TRIM5: variants seen among roughly 807,000 people sequenced by gnomAD.
The protein encoded by TRIM5 is tripartite motif containing 5, also known as tripartite motif-containing protein 5.
In TRIM5, 31 loss-of-function variants were observed where a neutral mutation model predicts 35.6. That is an observed-to-expected ratio of 0.87 (90% CI 0.65 to 1.18). TRIM5 has a LOEUF of 1.18. TRIM5 is among the 50% of genes most tolerant of loss of function. The pLI, the probability that TRIM5 is intolerant of heterozygous loss-of-function variation, is 0.00. For synonymous variants in TRIM5, 243 were observed against 215.6 expected (o/e 1.13, Z -1.11); for missense variants, 609 against 591.6 (o/e 1.03, Z -0.31).
the TRIM5 span, among the ~76,000 whole-genome samples, chr11:5,591,704 T>C: frequency 6.6e-6 from 1 of 152,062 alleles, no homozygotes; most frequent in Non-Finnish European, 1.5e-5. Flanking sequence ...AATGAGGTGA[T>C]GCTGGGAGAC....
the TRIM5 span, chr11:5,634,492 TACACACAC>T: frequency 3.2e-3 from 738 of 227,974 alleles, 6 homozygotes; most frequent in African/African-American, 0.012. Flanking sequence ...ATAATATAAA[TACACACAC>T]ACACACACAC....
In TRIM5 at chr11:5,679,930, A is replaced by G. The variant is rs147518309; in HGVS notation, c.248T>C (p.Val83Ala). Residue 83 changes from valine to alanine, a missense_variant, in exon 2 of 8, where the codon GTC (valine) becomes GCC (alanine). By Grantham distance (64) the Val-to-Ala change is moderately conservative (BLOSUM62 0). Transcript: ENST00000380034. ...VANIVEKLRE[V>A]KLSPEGQKVD... ...TTTCTGCCCCTCTGGGCTCAACTTG[A>G]CCTCCCTGAGCTTCTCCACTATGTT... The G allele has an allele frequency of 1.2e-4, 199 of 1,612,846 alleles. No individual in the cohort carries two copies. The African/African-American group carries it at 2.5e-3, about 20-fold the overall frequency.
At chr11:5,670,270 T>C (rs1045628667) in intron 4 of TRIM5, among the ~76,000 whole-genome samples, 33 of 143,418 alleles carry the variant, frequency 2.3e-4, no homozygotes, top group South Asian at 1.4e-3. Context: ...CTCTGCCTCC[T>C]GGGTTCATGC....
chr11:5,655,193 A>T, the TRIM5 span, among the ~76,000 whole-genome samples: 1 of 136,518 alleles, frequency 7.3e-6, no homozygotes, highest in Admixed American at 7.3e-5. Flanking sequence ...AACTCCGTCT[A>T]AAAAAAAAAA....
the TRIM5 span, chr11:5,603,468 G>A: frequency 2.5e-6 from 4 of 1,614,138 alleles, no homozygotes; most frequent in East Asian, 4.5e-5. Flanking sequence ...GTCAAGAAGG[G>A]GAAAGAAGCT....
downstream of TRIM5, among the ~76,000 whole-genome samples, chr11:5,660,934 C>T (rs1432374189): frequency 2.0e-5 from 3 of 150,638 alleles, no homozygotes; most frequent in South Asian, 2.1e-4. Flanking sequence ...GCCAGCTACT[C>T]GGGAGACTGA....
At chr11:5,642,893 A>G in the TRIM5 span, 1 of 1,610,244 alleles carries the variant, frequency 6.2e-7, no homozygotes, top group Admixed American at 1.7e-5. Flanking sequence ...ACCTTTCAGA[A>G]GTTTATGGTT....
chr11:5,644,181 T>C, the TRIM5 span: 1 of 399,126 alleles, frequency 2.5e-6, no homozygotes, highest in Admixed American at 4.4e-5. Flanking sequence ...GTATTCAGAG[T>C]GAAGATTTTA....
chr11:5,655,452 T>C, the TRIM5 span, among the ~76,000 whole-genome samples: 1 of 152,200 alleles, frequency 6.6e-6, no homozygotes, highest in Non-Finnish European at 1.5e-5. Context: ...TATACCAATA[T>C]GATTTTGAGT....
At chr11:5,634,530 C>CACATATATATATATATATATATATAT in the TRIM5 span, 79 of 203,834 alleles carry the variant, frequency 3.9e-4, no homozygotes, top group African/African-American at 2.6e-3. Context: ...CACACACACA[C>CACATATATATATATATATATATATAT]ATATATATAT....
chr11:5,594,450 C>A, the TRIM5 span, among the ~76,000 whole-genome samples: 1 of 152,114 alleles, frequency 6.6e-6, no homozygotes. Context: ...ATTGGGACTA[C>A]AGGCACGTAC....
At chr11:5,615,154 C>T in the TRIM5 span, among the ~76,000 whole-genome samples, 13 of 152,064 alleles carry the variant, frequency 8.5e-5, no homozygotes, top group East Asian at 2.5e-3. Flanking sequence ...GACTTGAATC[C>T]TTTTTAATTG....
the TRIM5 span, among the ~76,000 whole-genome samples, chr11:5,597,539 TA>T: frequency 1.8e-4 from 28 of 151,448 alleles, no homozygotes; most frequent in Admixed American, 4.0e-4. Flanking sequence ...TACACAAAGA[TA>T]AAAAAAAATG....
At chr11:5,609,219 A>G in the TRIM5 span, among the ~76,000 whole-genome samples, 1 of 152,140 alleles carries the variant, frequency 6.6e-6, no homozygotes, top group Non-Finnish European at 1.5e-5. Context: ...CTCCTCACAG[A>G]CACACGAAAT....
chr11:5,678,470 C>A, intron 3 of TRIM5, 36 bp from the exon 4 acceptor site: 3 of 1,465,704 alleles, frequency 2.0e-6, no homozygotes, highest in South Asian at 1.5e-5. Context: ...GGCACTCAGT[C>A]TACCAGGCAG....
the TRIM5 span, among the ~76,000 whole-genome samples, chr11:5,647,279 G>C: frequency 6.6e-6 from 1 of 152,128 alleles, no homozygotes; most frequent in African/African-American, 2.4e-5. Context: ...TAGGTGTACA[G>C]TTTTAGACAC....
rs893815108 is a variant in TRIM5 at position 5,679,775 on chromosome 11, C to A, written c.403G>T (p.Ala135Ser). The change falls in exon 2 of 8, where the codon GCC (alanine) becomes TCC (serine). Residue 135 changes from alanine to serine, a missense_variant. Physicochemically the swap from Ala to Ser is moderately conservative, Grantham distance 99. Coordinates refer to ENST00000380034, the MANE Select transcript of TRIM5 (RefSeq NM_033034.3). Reference protein sequence around the residue: ...GHHTFLTEEVAREYQVKLQAA... With the variant: ...GHHTFLTEEVSREYQVKLQAA... ...CAGTCTCTTACTTGGTACTCCCGGG[C>A]AACCTCCTCTGTGAGGAACGTGTGG... 1.3e-6 allele frequency: 2 copies of A among 1,593,094 alleles called. No homozygotes were observed. Among genetic ancestry groups the A allele is most frequent in the Non-Finnish European group, 1.7e-6 (2 of 1,167,130 alleles).
At chr11:5,604,619 C>T in the TRIM5 span, 1 of 1,611,470 alleles carries the variant, frequency 6.2e-7, no homozygotes, top group Non-Finnish European at 8.5e-7. Context: ...GAGAAGAAAA[C>T]ATCCTGGAAG....
chr11:5,605,735 G>A, the TRIM5 span, among the ~76,000 whole-genome samples: 4 of 152,138 alleles, frequency 2.6e-5, no homozygotes, highest in Admixed American at 6.5e-5. Context: ...GGAGTAAAGC[G>A]TAAGATAATT....
Sources: allele counts gnomAD v4.1 joint callset (sites outside exome capture counted in the v4.1 genomes callset), GRCh38; gene constraint gnomAD v4.1.1; transcripts MANE v1.5; gene names NCBI Gene and HGNC (gene_info 2026-07-23, HGNC 2026-07-21).